Variants in PTPDC1 observed in about 807,000 individuals in gnomAD.
PTPDC1 encodes protein tyrosine phosphatase domain-containing protein 1.
A neutral mutation model predicts 75.3 loss-of-function variants in PTPDC1; 53 were observed. That is an observed-to-expected ratio of 0.70 (90% CI 0.56 to 0.88). The LOEUF is 0.88. PTPDC1 is among the 40% of genes least tolerant of loss of function. The pLI is 0.00. For missense variants in PTPDC1, 925 were observed against 998.6 expected (o/e 0.93, Z 0.99); for synonymous variants, 349 against 366.2 (o/e 0.95, Z 0.54).
intron 7 of PTPDC1, among the ~76,000 whole-genome samples, chr9:94,102,528 C>T (rs895152443): frequency 2.6e-5 from 4 of 151,996 alleles, no homozygotes; most frequent in Admixed American, 6.6e-5. Flanking sequence ...TTTATCCATA[C>T]AGAGATACTA....
At chr9:94,044,114 C>A (rs944181731) in intron 1 of PTPDC1, among the ~76,000 whole-genome samples, 36 of 152,062 alleles carry the variant, frequency 2.4e-4, no homozygotes, top group African/African-American at 8.7e-4. Context: ...TTCTTCTTTT[C>A]CGAGTGGAAT....
chr9:94,095,548 C>T, intron 5 of PTPDC1, 94 bp downstream of exon 5: 1 of 1,044,954 alleles, frequency 9.6e-7, no homozygotes, highest in East Asian at 2.4e-5. Context: ...TCTCAGAATC[C>T]TATCAAAGCT....
At chr9:94,039,525 C>T (rs966112005) in intron 1 of PTPDC1, among the ~76,000 whole-genome samples, 1 of 152,120 alleles carries the variant, frequency 6.6e-6, no homozygotes, top group African/African-American at 2.4e-5. Flanking sequence ...GGTGCTGTGG[C>T]TCACACCTGT....
chr9:94,105,541 G>C (rs980512018), intron 8 of PTPDC1, among the ~76,000 whole-genome samples: 1 of 151,780 alleles, frequency 6.6e-6, no homozygotes, highest in Non-Finnish European at 1.5e-5. Flanking sequence ...GGTGGTGTGC[G>C]CCTGCAGTCC....
rs1012949046 is a variant in PTPDC1, at chr9:94,086,915, A to G, written c.417-916A>G. Among the ~76,000 whole-genome samples, 4 of 152,228 alleles carry G rather than the reference A, an allele frequency of 2.6e-5. No homozygotes were observed. The East Asian group carries it at 7.7e-4, about 29-fold the overall frequency. On this transcript the variant is annotated intron_variant, in intron 2 of 8. Coordinates refer to ENST00000620992, the MANE Select transcript of PTPDC1 (RefSeq NM_001253829.2). ...GAGCCCATATTTGTCACCAAATTAC[A>G]GTAACTCAGTATTTATTCATAACTG...
chr9:94,098,450 A>G lies in PTPDC1; in HGVS notation c.1884A>G (p.Ala628=), dbSNP rs1827702253. The change falls in exon 6 of 9, where the codon GCA becomes GCG. Residue 628 remains alanine, a synonymous_variant. Coordinates refer to ENST00000620992, the MANE Select transcript of PTPDC1 (RefSeq NM_001253829.2). ...ETQDSKDLSE[A]ASHSALQSEL... ...AGGACAGTAAAGATCTGTCTGAAGCAGCTTCACACTCTGCATTACAGTCTG... is the reference window on the plus strand; with the variant it reads ...AGGACAGTAAAGATCTGTCTGAAGCGGCTTCACACTCTGCATTACAGTCTG... 6.2e-7 allele frequency: 1 copy of G among 1,614,114 alleles called. No homozygotes were observed. Among genetic ancestry groups the G allele is most frequent in the African/African-American group, 1.3e-5 (1 of 74,944 alleles).
At chr9:94,105,357 G>A (rs1034552148) in intron 8 of PTPDC1, among the ~76,000 whole-genome samples, 6 of 152,356 alleles carry the variant, frequency 3.9e-5, no homozygotes, top group Middle Eastern at 3.4e-3. Context: ...TGTGAAGAAG[G>A]TTGTGGTTTG....
At chr9:94,050,150 T>C (rs992856821) in intron 1 of PTPDC1, among the ~76,000 whole-genome samples, 3 of 151,902 alleles carry the variant, frequency 2.0e-5, no homozygotes, top group African/African-American at 7.2e-5. Flanking sequence ...TTCTTTACCA[T>C]GGGTTTGAAC....
intron 1 of PTPDC1, chr9:94,038,314 A>G: frequency 1.5e-6 from 1 of 681,230 alleles, no homozygotes; most frequent in Non-Finnish European, 2.7e-6. Flanking sequence ...GAAAAATGAT[A>G]GCTTATCTCA....
chr9:94,080,920 C>T (rs1176679507), upstream of PTPDC1, among the ~76,000 whole-genome samples: 6 of 151,248 alleles, frequency 4.0e-5, no homozygotes, highest in East Asian at 3.9e-4. Flanking sequence ...AATTATTTGG[C>T]GTAATGGGGC....
intron 1 of PTPDC1, among the ~76,000 whole-genome samples, chr9:94,032,097 A>G (rs551357977): frequency 6.6e-6 from 1 of 152,318 alleles, no homozygotes; most frequent in African/African-American, 2.4e-5. Context: ...TGTCACAGTC[A>G]GAGCTATTAA....
chr9:94,106,265 T>A (rs10114320), intron 8 of PTPDC1, among the ~76,000 whole-genome samples: 59,731 of 152,014 alleles, frequency 0.39, 11,977 homozygotes, highest in Admixed American at 0.52. Flanking sequence ...GATGAGCAGA[T>A]GCCCTGACCA....
At chr9:94,035,489 CGTT>C (rs1825236523) in intron 1 of PTPDC1, among the ~76,000 whole-genome samples, 1 of 152,156 alleles carries the variant, frequency 6.6e-6, no homozygotes, top group Non-Finnish European at 1.5e-5. Flanking sequence ...ATTCCATCCA[CGTT>C]GTGGCAAATG....
intron 2 of PTPDC1, among the ~76,000 whole-genome samples, chr9:94,087,314 C>A (rs1451647618): frequency 6.6e-6 from 1 of 152,118 alleles, no homozygotes; most frequent in Non-Finnish European, 1.5e-5. Flanking sequence ...TAAGAATATT[C>A]TTACACGGGT....
rs780578711 is a variant in PTPDC1, at chr9:94,085,238, T to A, written c.245-13T>A. 1.9e-6 allele frequency: 3 copies of A among 1,608,536 alleles called. No individual in the cohort carries two copies. The highest frequency in any genetic ancestry group is 2.6e-6 in the Non-Finnish European group (3 of 1,176,230). On this transcript the variant is annotated splice_polypyrimidine_tract_variant and intron_variant, in intron 1 of 8. Transcript: ENST00000620992. Reference sequence around the variant, plus strand: ...AGTGGAATTTTGAATTTTCCTTTCCTTATATGTTCTAGGAAATTTAGAACG... The same window carrying A: ...AGTGGAATTTTGAATTTTCCTTTCCATATATGTTCTAGGAAATTTAGAACG...
chr9:94,062,585 G>A (rs1826176206), intron 1 of PTPDC1, among the ~76,000 whole-genome samples: 1 of 152,226 alleles, frequency 6.6e-6, no homozygotes, highest in Non-Finnish European at 1.5e-5. Flanking sequence ...TTTTGGGGAG[G>A]CCTCATGGTG....
At chr9:94,047,212 A>G (rs1424383034) in intron 1 of PTPDC1, among the ~76,000 whole-genome samples, 1 of 152,176 alleles carries the variant, frequency 6.6e-6, no homozygotes, top group Non-Finnish European at 1.5e-5. Context: ...ATCATGGTGG[A>G]TAAGCTTTTT....
intron 2 of PTPDC1, among the ~76,000 whole-genome samples, chr9:94,076,953 T>C (rs1045026457): frequency 2.0e-5 from 3 of 152,226 alleles, no homozygotes; most frequent in Non-Finnish European, 2.9e-5. Context: ...CATCTTTTCA[T>C]GTATTTATTG....
intron 2 of PTPDC1, among the ~76,000 whole-genome samples, chr9:94,071,656 A>G (rs1309730133): frequency 6.6e-6 from 1 of 152,192 alleles, no homozygotes; most frequent in African/African-American, 2.4e-5. Flanking sequence ...CCACCCTGTC[A>G]TGAATACTGT....
Sources: gnomAD v4.1 joint callset for allele counts (sites outside exome capture counted in the v4.1 genomes callset) on GRCh38, gnomAD v4.1.1 for gene constraint, MANE v1.5 for transcripts, NCBI Gene and HGNC (gene_info 2026-07-23, HGNC 2026-07-21) for gene names.